The following GHR variants were observed in gnomAD, a reference collection of about 807,000 sequenced individuals.
GHR encodes GH receptor.
In GHR, 35 loss-of-function variants were observed where a neutral mutation model predicts 67.1. That is an observed-to-expected ratio of 0.52 (90% CI 0.40 to 0.69). The LOEUF is 0.69. Ranked by LOEUF, GHR falls within the 30% of genes least tolerant of loss-of-function variation. GHR has a pLI of 0.00. For missense variants in GHR, 792 were observed against 764.6 expected (o/e 1.04, Z -0.42); for synonymous variants, 272 against 269.1 (o/e 1.01, Z -0.10).
At position 42,613,389 on chromosome 5, in the gene GHR, A is replaced by G. The variant is rs1268043499; in HGVS notation, c.71-15649A>G. On this transcript the variant is annotated intron_variant, in intron 2 of 9. Transcript: ENST00000230882. ...ACCACTGGGCTTTGTCTTATACTCT[A>G]CTTCTCACAACCCTTGCCTCTTAAA... Among the ~76,000 whole-genome samples, 2 of 152,080 alleles carry G rather than the reference A, an allele frequency of 1.3e-5. 1 individual carries two copies. The highest frequency in any genetic ancestry group is 2.9e-5 in the Non-Finnish European group (2 of 67,992).
intron 2 of GHR, among the ~76,000 whole-genome samples, chr5:42,583,054 C>A (rs961504916): frequency 6.6e-6 from 1 of 152,126 alleles, no homozygotes; most frequent in African/African-American, 2.4e-5. Flanking sequence ...CCATTGGGCC[C>A]GAGCAAAACT....
chr5:42,642,346 C>T (rs1391381509), intron 3 of GHR, among the ~76,000 whole-genome samples: 2 of 152,158 alleles, frequency 1.3e-5, no homozygotes, highest in Non-Finnish European at 1.5e-5. Flanking sequence ...TGACCATCAC[C>T]ACTACCTATA....
chr5:42,518,979 T>C (rs1446683208), intron 1 of GHR, among the ~76,000 whole-genome samples: 4 of 152,220 alleles, frequency 2.6e-5, no homozygotes, highest in African/African-American at 9.6e-5. Context: ...GAGTCGCTAA[T>C]CGCTGTGTCA....
chr5:42,700,534 G>A (rs1370177936), intron 6 of GHR, among the ~76,000 whole-genome samples: 1 of 152,180 alleles, frequency 6.6e-6, no homozygotes. Context: ...CAATTAGAGA[G>A]CATGGTACCA....
chr5:42,665,569 G>A (rs552817909), intron 3 of GHR, among the ~76,000 whole-genome samples: 31 of 152,014 alleles, frequency 2.0e-4, no homozygotes, highest in African/African-American at 6.8e-4. Context: ...ACACAGGAAG[G>A]GGAACATCAC....
chr5:42,655,643 T>C (rs1469324337), intron 3 of GHR, among the ~76,000 whole-genome samples: 1 of 152,178 alleles, frequency 6.6e-6, no homozygotes, highest in Non-Finnish European at 1.5e-5. Context: ...TACAAGGTTC[T>C]AATATATTCT....
chr5:42,719,985 TCAAGCATGGCTA>T lies in GHR; in HGVS notation c.*562_*573del. The T allele has an allele frequency of 5.3e-6, 1 of 187,516 alleles. No homozygotes were observed. The highest frequency in any genetic ancestry group is 5.4e-5 in the Admixed American group (1 of 18,496). The allele number at this position is 187,516 out of a possible 1,614,324, so 11.6% of individuals were successfully genotyped here. On this transcript the variant is annotated 3_prime_UTR_variant, in exon 10 of 10. Transcript: ENST00000230882. ...TAAAGATTTTTTAATAATTTAGACT[TCAAGCATGGCTA>T]TTTTATATTACACTACACACTGTGT...
In GHR at chr5:42,718,769, C is replaced by T; in HGVS notation, c.1262C>T (p.Ala421Val). 6.2e-7 allele frequency: 1 copy of T among 1,614,102 alleles called. No individual in the cohort carries two copies. Among genetic ancestry groups the T allele is most frequent in the Non-Finnish European group, 8.5e-7 (1 of 1,179,982 alleles). ...CAGCCACAGAGGTTAAAAGGGGAAG[C>T]AGATCTCTTATGCCTTGACCAGAAG... is the stretch of plus-strand genomic sequence containing the variant. ...VAQPQRLKGE[A>V]DLLCLDQKNQ... Residue 421 changes from alanine (A) to valine (V), a missense_variant, in exon 10 of 10, where the codon GCA (alanine) becomes GTA (valine). Physicochemically the swap from Ala to Val is moderately conservative, Grantham distance 64. Coordinates refer to ENST00000230882, the MANE Select transcript of GHR (RefSeq NM_000163.5).
At chr5:42,428,374 C>A (rs1436077893) in intron 1 of GHR, among the ~76,000 whole-genome samples, 1 of 152,160 alleles carries the variant, frequency 6.6e-6, no homozygotes, top group Non-Finnish European at 1.5e-5. Flanking sequence ...GCCCAGAAAA[C>A]CATTTTTCCC....
chr5:42,714,770 T>A (rs1485006029), intron 8 of GHR, among the ~76,000 whole-genome samples: 4 of 152,174 alleles, frequency 2.6e-5, no homozygotes, highest in Non-Finnish European at 5.9e-5. Context: ...ATAAATATAT[T>A]TTTAGAATTT....
At chr5:42,693,892 G>T (rs1282477141) in intron 4 of GHR, among the ~76,000 whole-genome samples, 1 of 152,160 alleles carries the variant, frequency 6.6e-6, no homozygotes, top group South Asian at 2.1e-4. Context: ...TGAATAACAT[G>T]GAGATGATGA....
chr5:42,573,129 G>A (rs565566962), intron 2 of GHR, among the ~76,000 whole-genome samples: 2 of 152,284 alleles, frequency 1.3e-5, no homozygotes, highest in African/African-American at 4.8e-5. Flanking sequence ...ATTCTGATGA[G>A]GATCTTCGTG....
intron 1 of GHR, among the ~76,000 whole-genome samples, chr5:42,519,296 A>G (rs1362515215): frequency 2.6e-5 from 4 of 152,308 alleles, no homozygotes; most frequent in African/African-American, 9.6e-5. Context: ...TTATGGGAGA[A>G]TAAGGGCAAT....
chr5:42,461,309 G>A (rs566921673), intron 1 of GHR, among the ~76,000 whole-genome samples: 30 of 152,222 alleles, frequency 2.0e-4, no homozygotes, highest in South Asian at 6.2e-4. Flanking sequence ...CATTATCCAC[G>A]TAATATTCAT....
At chr5:42,478,525 G>T (rs1745451450) in intron 1 of GHR, among the ~76,000 whole-genome samples, 1 of 152,128 alleles carries the variant, frequency 6.6e-6, no homozygotes, top group African/African-American at 2.4e-5. Context: ...AGCATGGAAT[G>T]TTCTTCCATT....
intron 1 of GHR, among the ~76,000 whole-genome samples, chr5:42,456,841 A>G (rs546684905): frequency 2.0e-5 from 3 of 152,324 alleles, no homozygotes; most frequent in South Asian, 2.1e-4. Context: ...CCAGGGTCCA[A>G]TGGAAGAGAA....
intron 3 of GHR, among the ~76,000 whole-genome samples, chr5:42,650,066 A>G (rs1169272040): frequency 6.6e-6 from 1 of 152,132 alleles, no homozygotes; most frequent in East Asian, 1.9e-4. Context: ...ATTAGAATAA[A>G]TTTATCTTAA....
chr5:42,685,693 G>A (rs1347666030), intron 3 of GHR, among the ~76,000 whole-genome samples: 7 of 152,190 alleles, frequency 4.6e-5, no homozygotes, highest in South Asian at 4.2e-4. Flanking sequence ...TCTGATGACC[G>A]GTGATGACGA....
chr5:42,643,358 A>G (rs1301338195), intron 3 of GHR, among the ~76,000 whole-genome samples: 1 of 152,204 alleles, frequency 6.6e-6, no homozygotes, highest in Non-Finnish European at 1.5e-5. Context: ...TTTCCTGGAA[A>G]TACTTGACCA....
Sources: gnomAD v4.1 joint callset for allele counts (sites outside exome capture counted in the v4.1 genomes callset) on GRCh38, gnomAD v4.1.1 for gene constraint, MANE v1.5 for transcripts, NCBI Gene and HGNC (gene_info 2026-07-23, HGNC 2026-07-21) for gene names.